SSBP2: variants seen among roughly 807,000 people sequenced by gnomAD.
SSBP2 encodes single stranded DNA binding protein 2.
Under a neutral mutation model 61.8 loss-of-function variants are expected in SSBP2, and 17 were observed. The ratio of observed to expected loss-of-function variants is 0.28; its 90% CI spans 0.19 to 0.41. SSBP2 has a LOEUF of 0.41. Among genes scored for constraint, SSBP2 ranks in the 10% least tolerant of loss-of-function variants. The pLI, the probability that SSBP2 is intolerant of heterozygous loss-of-function variation, is 1.00. For missense variants in SSBP2, 310 were observed against 458.7 expected, an observed-to-expected ratio of 0.68 and a Z score of 2.96; for synonymous variants, 139 against 141.3, an observed-to-expected ratio of 0.98 and a Z score of 0.12.
intron 14 of SSBP2, among the ~76,000 whole-genome samples, chr5:81,439,747 C>CTGCAAGCTCCGCCTCCCGGG (rs1434960637): frequency 9.2e-4 from 137 of 149,248 alleles, no homozygotes; most frequent in Non-Finnish European, 1.8e-3. Context: ...TCTCGGCTCA[C>CTGCAAGCTCCGCCTCCCGGG]TGCAAGCTCC....
At chr5:81,534,001 G>C (rs946449562) in intron 4 of SSBP2, among the ~76,000 whole-genome samples, 2 of 152,058 alleles carry the variant, frequency 1.3e-5, no homozygotes, top group African/African-American at 4.8e-5. Flanking sequence ...TTCTTAACAA[G>C]GCCTGCCCTC....
intron 2 of SSBP2, among the ~76,000 whole-genome samples, chr5:81,644,879 A>G (rs1223359297): frequency 1.3e-5 from 2 of 152,222 alleles, no homozygotes; most frequent in African/African-American, 4.8e-5. Flanking sequence ...TTTTATAGAA[A>G]GAGTAACACC....
At chr5:81,465,632 A>C (rs561694970) in intron 9 of SSBP2, among the ~76,000 whole-genome samples, 1 of 152,194 alleles carries the variant, frequency 6.6e-6, no homozygotes, top group African/African-American at 2.4e-5. Context: ...ACATTTATAC[A>C]TGGTATTCAA....
At chr5:81,446,448 C>T (rs1292183411) in intron 12 of SSBP2, among the ~76,000 whole-genome samples, 1 of 151,064 alleles carries the variant, frequency 6.6e-6, no homozygotes, top group African/African-American at 2.5e-5. Context: ...GTAAGTACTT[C>T]TTCATCCTTC....
In SSBP2 at chr5:81,470,773, G is replaced by A. The variant is rs116488079; in HGVS notation, c.570+2927C>T. On this transcript the variant is annotated intron_variant, in intron 8 of 16. Transcript: ENST00000320672. ...AATAAGGCAGATATCTTCTGCTCTT[G>A]GACAGCATCTGTATGATTAAATGTC... Among the ~76,000 whole-genome samples, 881 of 151,918 alleles carry A rather than the reference G, an allele frequency of 5.8e-3. 6 individuals are homozygous for A. Among genetic ancestry groups the A allele is most frequent in the African/African-American group, 0.02 (823 of 41,540 alleles).
At chr5:81,448,550 C>T (rs150128095) in intron 11 of SSBP2, among the ~76,000 whole-genome samples, 2 of 152,188 alleles carry the variant, frequency 1.3e-5, no homozygotes, top group African/African-American at 4.8e-5. Flanking sequence ...GTGTATTGTA[C>T]TGGTTTTCAG....
chr5:81,422,145 A>C (rs1042737394), intron 16 of SSBP2, among the ~76,000 whole-genome samples: 5 of 152,180 alleles, frequency 3.3e-5, no homozygotes, highest in African/African-American at 7.2e-5. Context: ...AGTCAAAGGG[A>C]TTGGTCCCAG....
intron 7 of SSBP2, among the ~76,000 whole-genome samples, chr5:81,474,179 A>G (rs1241415486): frequency 2.0e-5 from 3 of 152,220 alleles, no homozygotes; most frequent in East Asian, 3.8e-4. Flanking sequence ...TCTATCTGAA[A>G]AAGGCAAAAG....
intron 4 of SSBP2, among the ~76,000 whole-genome samples, chr5:81,581,277 A>C (rs1774622204): frequency 6.6e-6 from 1 of 152,206 alleles, no homozygotes; most frequent in African/African-American, 2.4e-5. Context: ...CCCTGAGGAC[A>C]TGAAGAATAC....
Position 81,489,415 on chromosome 5 carries a change from A to G in SSBP2, c.373-106T>C, listed in dbSNP as rs553396778. 1.8e-3 allele frequency: 1,669 copies of G among 935,070 alleles called. 10 individuals are homozygous for G. The highest frequency in any genetic ancestry group is 1.0e-3 in the Non-Finnish European group (664 of 635,620). 57.9% of individuals were successfully genotyped at this position (935,070 alleles called of 1,614,324 possible). ...AAATTTTAGAATTAATCAAATCACA[A>G]ATCAATGTACTTTGAGGCTGCTTTC... On this transcript the variant is annotated intron_variant, in intron 5 of 16. Coordinates refer to ENST00000320672, the MANE Select transcript of SSBP2 (RefSeq NM_012446.5).
At chr5:81,588,372 AAGTAACTTACCC>A (rs1241850161) in intron 4 of SSBP2, among the ~76,000 whole-genome samples, 1 of 152,122 alleles carries the variant, frequency 6.6e-6, no homozygotes, top group Non-Finnish European at 1.5e-5. Context: ...CAAACTCAGA[AAGTAACTTACCC>A]AAAGTTACTA....
chr5:81,535,651 T>C (rs986902239), intron 4 of SSBP2, among the ~76,000 whole-genome samples: 2 of 151,962 alleles, frequency 1.3e-5, no homozygotes, highest in Non-Finnish European at 2.9e-5. Context: ...GGTACTAGAA[T>C]GGAGAAAAGA....
At chr5:81,585,315 G>T (rs1037449168) in intron 4 of SSBP2, among the ~76,000 whole-genome samples, 1 of 151,570 alleles carries the variant, frequency 6.6e-6, no homozygotes, top group Non-Finnish European at 1.5e-5. Context: ...TCCTGAAAGC[G>T]TTCCCAAGTG....
chr5:81,661,909 T>C (rs1303533517), intron 1 of SSBP2, among the ~76,000 whole-genome samples: 3 of 152,348 alleles, frequency 2.0e-5, no homozygotes. Flanking sequence ...CATGAAATCA[T>C]TGCTAAAAGC....
chr5:81,478,495 C>T (rs776527408), intron 6 of SSBP2, among the ~76,000 whole-genome samples: 11 of 152,150 alleles, frequency 7.2e-5, no homozygotes, highest in Admixed American at 2.0e-4. Context: ...CACCCACCAC[C>T]GTGCCCAGCT....
intron 4 of SSBP2, among the ~76,000 whole-genome samples, chr5:81,519,042 G>T (rs1580899448): frequency 6.6e-6 from 1 of 152,086 alleles, no homozygotes; most frequent in Non-Finnish European, 1.5e-5. Flanking sequence ...TATTCTCAAT[G>T]AGATGGGTCT....
At chr5:81,585,879 T>C (rs983714781) in intron 4 of SSBP2, among the ~76,000 whole-genome samples, 1 of 152,176 alleles carries the variant, frequency 6.6e-6, no homozygotes, top group African/African-American at 2.4e-5. Flanking sequence ...TTTTTTTAGA[T>C]ATGAGATCAT....
At chr5:81,556,359 A>C (rs188135440) in intron 4 of SSBP2, among the ~76,000 whole-genome samples, 1 of 152,048 alleles carries the variant, frequency 6.6e-6, no homozygotes, top group Non-Finnish European at 1.5e-5. Context: ...TTAGAAACCT[A>C]TATTTCAATA....
intron 9 of SSBP2, among the ~76,000 whole-genome samples, chr5:81,461,379 G>A (rs1456157987): frequency 6.6e-6 from 1 of 151,834 alleles, no homozygotes; most frequent in Non-Finnish European, 1.5e-5. Context: ...CTGCTCATAG[G>A]AGTAAATATA....
Sources: gnomAD v4.1 joint callset for allele counts (sites outside exome capture counted in the v4.1 genomes callset) on GRCh38, gnomAD v4.1.1 for gene constraint, MANE v1.5 for transcripts, NCBI Gene and HGNC (gene_info 2026-07-23, HGNC 2026-07-21) for gene names.